RFWD3: variants seen among roughly 807,000 people sequenced by gnomAD.
RFWD3 encodes ring finger and WD repeat domain 3, also known as E3 ubiquitin-protein ligase RFWD3.
Under a neutral mutation model 87.7 loss-of-function variants are expected in RFWD3, and 65 were observed. The ratio of observed to expected loss-of-function variants is 0.74; its 90% CI spans 0.61 to 0.91. The LOEUF is 0.91. Ranked by LOEUF, RFWD3 falls within the 40% of genes least tolerant of loss-of-function variation. The pLI, the probability that RFWD3 is intolerant of heterozygous loss-of-function variation, is 0.00. For synonymous variants in RFWD3, 433 were observed against 352.8 expected, an observed-to-expected ratio of 1.23 and a Z score of -2.55; for missense variants, 1,078 against 938.5, an observed-to-expected ratio of 1.15 and a Z score of -1.94.
At chr16:74,641,066 T>A (rs1474111074) in intron 6 of RFWD3, among the ~76,000 whole-genome samples, 1 of 152,130 alleles carries the variant, frequency 6.6e-6, no homozygotes, top group African/African-American at 2.4e-5. Flanking sequence ...ATGTGCCCTA[T>A]AATAAAGCAA....
chr16:74,636,449 G>A lies in RFWD3; in HGVS notation c.1323C>T (p.Thr441=). The part of the protein sequence containing the change: ...QHKHKYHFQK[T]FTVSQAGNCR... The stretch of plus-strand genomic sequence containing the variant: ...AGTTTCCTGCCTGAGATACTGTGAA[G>A]GTCTTTTGGAAGTGGTACTTGTGCT... The change falls in exon 8 of 13, where the codon ACC becomes ACT. Residue 441 remains threonine, a synonymous_variant. Transcript: ENST00000361070. 6 of 1,614,198 alleles carry A rather than the reference G, an allele frequency of 3.7e-6. No homozygotes were observed. The highest frequency in any genetic ancestry group is 5.1e-6 in the Non-Finnish European group (6 of 1,180,036).
At chr16:74,647,695 G>A (rs1191571266) in intron 4 of RFWD3, among the ~76,000 whole-genome samples, 1 of 152,072 alleles carries the variant, frequency 6.6e-6, no homozygotes, top group Non-Finnish European at 1.5e-5. Flanking sequence ...AGGTTCAAGC[G>A]ATTCTCCTAT....
chr16:74,658,959 G>C (rs999914940), intron 2 of RFWD3, among the ~76,000 whole-genome samples: 2 of 151,944 alleles, frequency 1.3e-5, no homozygotes, highest in Non-Finnish European at 2.9e-5. Flanking sequence ...AGTAGAGATG[G>C]GGTTTCACCA....
chr16:74,644,268 A>C, intron 6 of RFWD3, 94 bp downstream of exon 6: 1 of 1,200,826 alleles, frequency 8.3e-7, no homozygotes, highest in South Asian at 1.2e-5. Context: ...GGTCAAGTAA[A>C]ACCTCACTAC....
chr16:74,646,329 T>C (rs1042004279), intron 4 of RFWD3, among the ~76,000 whole-genome samples: 2 of 152,278 alleles, frequency 1.3e-5, no homozygotes, highest in East Asian at 1.9e-4. Flanking sequence ...TGAGCTATGA[T>C]TGTGCCACTG....
At chr16:74,664,955 C>T (rs574603596) in intron 1 of RFWD3, among the ~76,000 whole-genome samples, 3 of 152,240 alleles carry the variant, frequency 2.0e-5, no homozygotes, top group Non-Finnish European at 2.9e-5. Context: ...GTGCCTAGAA[C>T]GAGAGACCAT....
At chr16:74,636,750 G>C (rs1318337793) in intron 7 of RFWD3, among the ~76,000 whole-genome samples, 173 bp from the exon 8 acceptor site, 4 of 151,396 alleles carry the variant, frequency 2.6e-5, no homozygotes, top group Admixed American at 2.6e-4. Flanking sequence ...GTCTCACTCT[G>C]TCACCCAGGC....
chr16:74,636,681 A>C, intron 7 of RFWD3, 104 bp from the exon 8 acceptor site: 1 of 892,776 alleles, frequency 1.1e-6, no homozygotes, highest in South Asian at 1.7e-5. Context: ...CCATTATATG[A>C]AAGTGTTAAC....
chr16:74,664,488 C>G (rs1388102081), intron 1 of RFWD3: 3 of 152,138 alleles, frequency 2.0e-5, no homozygotes, highest in Non-Finnish European at 4.4e-5. Flanking sequence ...CTGTGGCCCA[C>G]GCCTATAATC....
chr16:74,630,456 G>A (rs1405469945), intron 10 of RFWD3, among the ~76,000 whole-genome samples: 1 of 152,200 alleles, frequency 6.6e-6, no homozygotes, highest in East Asian at 1.9e-4. Flanking sequence ...AGCTCACAGT[G>A]GGCCAAGAAA....
intron 2 of RFWD3, among the ~76,000 whole-genome samples, chr16:74,658,712 G>A (rs1043575565): frequency 7.9e-5 from 12 of 151,910 alleles, no homozygotes; most frequent in Admixed American, 2.6e-4. Flanking sequence ...TAGCTTGACT[G>A]ACATCTTTCA....
intron 2 of RFWD3, among the ~76,000 whole-genome samples, chr16:74,652,468 G>A (rs898625218): frequency 1.3e-5 from 2 of 152,122 alleles, no homozygotes; most frequent in South Asian, 2.1e-4. Flanking sequence ...GGGTTAGCAA[G>A]AAGAAAAAGG....
intron 8 of RFWD3, among the ~76,000 whole-genome samples, chr16:74,635,079 G>A (rs1250539195): frequency 6.6e-6 from 1 of 152,078 alleles, no homozygotes; most frequent in Non-Finnish European, 1.5e-5. Context: ...AGGAGATTGA[G>A]ACCATCCTGG....
chr16:74,631,579 CT>C (rs1201380442), intron 9 of RFWD3, among the ~76,000 whole-genome samples: 39 of 152,174 alleles, frequency 2.6e-4, no homozygotes, highest in Non-Finnish European at 2.9e-5. Context: ...ACACTCACAT[CT>C]GGTTCACAGT....
chr16:74,625,143 T>C (rs1466900033), intron 12 of RFWD3, among the ~76,000 whole-genome samples: 1 of 148,006 alleles, frequency 6.8e-6, no homozygotes, highest in African/African-American at 2.5e-5. Flanking sequence ...GAGGTTGTAG[T>C]AAGCCAAGAT....
chr16:74,624,343 T>C (rs1211612692), intron 12 of RFWD3, among the ~76,000 whole-genome samples: 2 of 152,200 alleles, frequency 1.3e-5, no homozygotes, highest in Admixed American at 6.5e-5. Context: ...CAGCCTCTTC[T>C]AGGGACAGAA....
intron 10 of RFWD3, among the ~76,000 whole-genome samples, chr16:74,630,230 G>T (rs542850406): frequency 2.6e-5 from 4 of 152,318 alleles, no homozygotes; most frequent in Middle Eastern, 3.4e-3. Flanking sequence ...TGAGTAGCTG[G>T]GATTACAGGC....
At chr16:74,658,408 T>C (rs756329608) in intron 2 of RFWD3, among the ~76,000 whole-genome samples, 2 of 152,246 alleles carry the variant, frequency 1.3e-5, no homozygotes, top group Non-Finnish European at 2.9e-5. Context: ...TAGCTTTCCA[T>C]AGCTTTGGCT....
rs535792356 is a variant in RFWD3, at chr16:74,648,146, A to G, written c.792+986T>C. Among the ~76,000 whole-genome samples the G allele has an allele frequency of 1.3e-3, 204 of 152,016 alleles. 1 individual carries two copies. Among genetic ancestry groups the G allele is most frequent in the Middle Eastern group, 3.4e-3 (1 of 294 alleles). ...TAATTTATAAAGCACATTTATGTCT[A>G]TTTTTTCAACTGATACTTAACCTTG... On this transcript the variant is annotated intron_variant, in intron 4 of 12. Transcript: ENST00000361070.
Sources: gnomAD v4.1 joint callset for allele counts (sites outside exome capture counted in the v4.1 genomes callset) on GRCh38, gnomAD v4.1.1 for gene constraint, MANE v1.5 for transcripts, NCBI Gene and HGNC (gene_info 2026-07-23, HGNC 2026-07-21) for gene names.